Variants in PTPRK observed in about 807,000 individuals in gnomAD.
PTPRK encodes protein tyrosine phosphatase receptor type K.
Under a neutral mutation model 178.0 loss-of-function variants are expected in PTPRK, and 75 were observed. The observed-to-expected ratio is 0.42, with a 90% CI of 0.35 to 0.51. The LOEUF (loss-of-function observed/expected upper bound fraction) is 0.51. Among genes scored for constraint, PTPRK ranks in the 20% least tolerant of loss-of-function variants. PTPRK has a pLI of 0.02. For synonymous variants in PTPRK, 637 were observed against 620.6 expected (o/e 1.03, Z -0.39); for missense variants, 1,441 against 1,797.8 (o/e 0.80, Z 3.59).
At chr6:128,057,351 A>G (rs1780074568) in intron 13 of PTPRK, among the ~76,000 whole-genome samples, 1 of 152,216 alleles carries the variant, frequency 6.6e-6, no homozygotes, top group South Asian at 2.1e-4. Flanking sequence ...GATGTCCGGG[A>G]ACTCGGATTT....
intron 11 of PTPRK, among the ~76,000 whole-genome samples, chr6:128,074,848 A>C (rs1037333815): frequency 6.6e-6 from 1 of 152,052 alleles, no homozygotes; most frequent in African/African-American, 2.4e-5. Flanking sequence ...TTATGTAAGC[A>C]CAACACCATG....
At chr6:128,092,167 A>G (rs1787081603) in intron 7 of PTPRK, among the ~76,000 whole-genome samples, 1 of 152,228 alleles carries the variant, frequency 6.6e-6, no homozygotes, top group African/African-American at 2.4e-5. Flanking sequence ...ACTGATATGG[A>G]AAAACAAAGA....
intron 3 of PTPRK, among the ~76,000 whole-genome samples, chr6:128,289,956 C>T (rs1020082225): frequency 5.3e-5 from 8 of 152,072 alleles, no homozygotes; most frequent in Admixed American, 3.3e-4. Flanking sequence ...CATTTAGTAA[C>T]TTCAGGACAG....
At chr6:128,403,166 C>T (rs1206637124) in intron 1 of PTPRK, among the ~76,000 whole-genome samples, 1 of 152,142 alleles carries the variant, frequency 6.6e-6, no homozygotes, top group Non-Finnish European at 1.5e-5. Flanking sequence ...TTCATATAAT[C>T]CAAGATTATT....
intron 2 of PTPRK, among the ~76,000 whole-genome samples, chr6:128,380,356 T>C (rs908226283): frequency 1.3e-5 from 2 of 152,014 alleles, no homozygotes; most frequent in African/African-American, 4.8e-5. Context: ...GATACCAGAC[T>C]TGGAGATGAG....
intron 7 of PTPRK, among the ~76,000 whole-genome samples, chr6:128,169,387 AAAC>A (rs1437172180): frequency 9.9e-5 from 15 of 152,072 alleles, no homozygotes; most frequent in African/African-American, 3.6e-4. Flanking sequence ...AAAAGAAAAA[AAAC>A]AAAGAAGCTT....
chr6:128,460,707 G>A (rs760785650), intron 1 of PTPRK, among the ~76,000 whole-genome samples: 11 of 152,170 alleles, frequency 7.2e-5, no homozygotes, highest in Admixed American at 3.3e-4. Context: ...CTAATTTAAT[G>A]GAGACACAAC....
At chr6:128,241,061 A>G (rs1177860353) in intron 4 of PTPRK, among the ~76,000 whole-genome samples, 1 of 152,242 alleles carries the variant, frequency 6.6e-6, no homozygotes, top group Non-Finnish European at 1.5e-5. Context: ...TAAACAGTAG[A>G]TAAAAACACA....
intron 7 of PTPRK, among the ~76,000 whole-genome samples, chr6:128,107,745 A>G (rs146434074): frequency 1.3e-5 from 2 of 152,320 alleles, no homozygotes; most frequent in African/African-American, 4.8e-5. Context: ...AATTTGAGAG[A>G]TGAAGATTTT....
At chr6:128,295,673 T>C (rs777086875) in intron 3 of PTPRK, among the ~76,000 whole-genome samples, 1 of 152,092 alleles carries the variant, frequency 6.6e-6, no homozygotes, top group Non-Finnish European at 1.5e-5. Flanking sequence ...AAACCCTAAT[T>C]CTAGCTCTGG....
chr6:128,473,873 T>G (rs1218253713), intron 1 of PTPRK, among the ~76,000 whole-genome samples: 3 of 152,052 alleles, frequency 2.0e-5, no homozygotes, highest in Non-Finnish European at 4.4e-5. Flanking sequence ...CATCCATTTC[T>G]ATAATAAACA....
At chr6:128,362,832 A>G (rs1002209473) in intron 2 of PTPRK, among the ~76,000 whole-genome samples, 1 of 152,160 alleles carries the variant, frequency 6.6e-6, no homozygotes, top group Admixed American at 6.6e-5. Flanking sequence ...ATAAATATAA[A>G]TATGTGTAAA....
At chr6:128,277,222 C>T (rs994340895) in intron 3 of PTPRK, among the ~76,000 whole-genome samples, 7 of 152,034 alleles carry the variant, frequency 4.6e-5, no homozygotes, top group Non-Finnish European at 8.8e-5. Context: ...TGGAGCTAAG[C>T]TTATAAAAAC....
At chr6:128,470,697 G>C (rs939775752) in intron 1 of PTPRK, among the ~76,000 whole-genome samples, 1 of 145,458 alleles carries the variant, frequency 6.9e-6, no homozygotes, top group South Asian at 2.2e-4. Flanking sequence ...TTAACATACA[G>C]ATTTTACAGG....
chr6:128,002,428 G>A (rs1777933633), intron 15 of PTPRK, among the ~76,000 whole-genome samples: 2 of 151,804 alleles, frequency 1.3e-5, no homozygotes, highest in Non-Finnish European at 2.9e-5. Flanking sequence ...TAAACATACA[G>A]GCAAGCTGAT....
intron 1 of PTPRK, among the ~76,000 whole-genome samples, chr6:128,505,474 T>A (rs530332623): frequency 6.6e-6 from 1 of 151,564 alleles, no homozygotes; most frequent in East Asian, 2.0e-4. Flanking sequence ...AAATAAAAAA[T>A]AAATGAAGAT....
intron 1 of PTPRK, among the ~76,000 whole-genome samples, chr6:128,432,365 A>G (rs1311560838): frequency 1.3e-5 from 2 of 152,254 alleles, no homozygotes; most frequent in African/African-American, 2.4e-5. Context: ...TGCAAATGCA[A>G]TAGTGTAATA....
chr6:128,327,536 T>A (rs1829741054), intron 2 of PTPRK, among the ~76,000 whole-genome samples: 1 of 152,176 alleles, frequency 6.6e-6, no homozygotes, highest in African/African-American at 2.4e-5. Flanking sequence ...CATGCCAGTT[T>A]TCTGTCCTCA....
chr6:127,982,706 C>T (rs1006609132), intron 24 of PTPRK, 125 bp downstream of exon 24: 8 of 714,722 alleles, frequency 1.1e-5, no homozygotes, highest in Admixed American at 5.4e-5. Context: ...GAAAGAGATA[C>T]GTATTGTATT....
Sources: gnomAD v4.1 joint callset for allele counts (sites outside exome capture counted in the v4.1 genomes callset) on GRCh38, gnomAD v4.1.1 for gene constraint, MANE v1.5 for transcripts, NCBI Gene and HGNC (gene_info 2026-07-23, HGNC 2026-07-21) for gene names.